Variants in DIS3L2 observed in about 807,000 individuals in gnomAD.
DIS3L2 encodes DIS3-like exonuclease 2.
A neutral mutation model predicts 97.5 loss-of-function variants in DIS3L2; 34 were observed. That is an observed-to-expected ratio of 0.35 (90% confidence interval 0.27 to 0.46). The LOEUF is 0.46. DIS3L2 is among the 20% of genes least tolerant of loss of function. The pLI is 1.00. For missense variants in DIS3L2, 1,038 were observed against 1,146.0 expected (o/e 0.91, Z 1.36); for synonymous variants, 435 against 445.2 (o/e 0.98, Z 0.29).
chr2:232,168,452 T>C (rs1384935498), intron 9 of DIS3L2, among the ~76,000 whole-genome samples: 2 of 152,166 alleles, frequency 1.3e-5, no homozygotes, highest in Non-Finnish European at 2.9e-5. Context: ...GTATTAGTGG[T>C]TTAGTATTAT....
intron 9 of DIS3L2, among the ~76,000 whole-genome samples, chr2:232,187,398 C>T (rs529804236): frequency 1.6e-4 from 25 of 152,232 alleles, no homozygotes; most frequent in African/African-American, 5.5e-4. Flanking sequence ...AGCAATTTTA[C>T]TCCTGGAGAA....
At chr2:232,203,281 A>G (rs1691946039) in intron 9 of DIS3L2, among the ~76,000 whole-genome samples, 1 of 152,146 alleles carries the variant, frequency 6.6e-6, no homozygotes, top group African/African-American at 2.4e-5. Context: ...TAGCACGGAG[A>G]CAGACCCAGA....
chr2:232,001,155 A>G (rs1380289748), intron 1 of DIS3L2, among the ~76,000 whole-genome samples: 1 of 152,152 alleles, frequency 6.6e-6, no homozygotes, highest in Non-Finnish European at 1.5e-5. Flanking sequence ...TGGCTATAGT[A>G]ATTTACATTT....
intron 1 of DIS3L2, among the ~76,000 whole-genome samples, chr2:231,979,516 C>T (rs538440232): frequency 2.0e-5 from 3 of 152,230 alleles, no homozygotes; most frequent in South Asian, 4.1e-4. Flanking sequence ...CTTGGCCTCC[C>T]AAGGCCACTG....
rs758984587 is a variant in DIS3L2, at chr2:232,334,750, A to G, written c.2394+15A>G. Reference sequence around the variant, plus strand: ...TCTACTGCAACGTGAGTGCCCTGGGAGAGCCCGGGGGCGGGCAGGGCAGCC... The same window carrying G: ...TCTACTGCAACGTGAGTGCCCTGGGGGAGCCCGGGGGCGGGCAGGGCAGCC... On this transcript the variant is annotated intron_variant, in intron 19 of 20. Coordinates refer to ENST00000325385, the MANE Select transcript of DIS3L2 (RefSeq NM_152383.5). 6.3e-7 allele frequency: 1 copy of G among 1,590,782 alleles called. No homozygotes were observed. Among genetic ancestry groups the G allele is most frequent in the East Asian group, 2.3e-5 (1 of 43,142 alleles).
intron 1 of DIS3L2, among the ~76,000 whole-genome samples, chr2:231,992,694 G>A (rs1448003175): frequency 6.6e-6 from 1 of 151,880 alleles, no homozygotes; most frequent in Non-Finnish European, 1.5e-5. Flanking sequence ...AACACTTAAT[G>A]CCTTATTTCA....
At chr2:232,000,502 C>A (rs1309254589) in intron 1 of DIS3L2, among the ~76,000 whole-genome samples, 2 of 152,040 alleles carry the variant, frequency 1.3e-5, no homozygotes, top group Non-Finnish European at 2.9e-5. Flanking sequence ...TAAATGAGAT[C>A]ATGTGGTATT....
intron 1 of DIS3L2, among the ~76,000 whole-genome samples, chr2:231,975,007 G>A (rs542171040): frequency 9.2e-5 from 14 of 152,160 alleles, no homozygotes; most frequent in East Asian, 5.8e-4. Flanking sequence ...TAGTTTTATC[G>A]TTTGTCTCAC....
chr2:232,074,956 A>G (rs1448881569), intron 5 of DIS3L2, among the ~76,000 whole-genome samples: 1 of 152,198 alleles, frequency 6.6e-6, no homozygotes, highest in Non-Finnish European at 1.5e-5. Context: ...TTAGGCAGAG[A>G]GAGAGAAGTT....
intron 10 of DIS3L2, among the ~76,000 whole-genome samples, chr2:232,236,739 T>C (rs71421626): frequency 2.6e-5 from 4 of 152,136 alleles, no homozygotes; most frequent in Admixed American, 2.6e-4. Flanking sequence ...TTAAACTGTA[T>C]ACTTATTTTA....
intron 14 of DIS3L2, among the ~76,000 whole-genome samples, chr2:232,309,682 A>G (rs990693435): frequency 6.6e-6 from 1 of 152,032 alleles, no homozygotes; most frequent in Non-Finnish European, 1.5e-5. Flanking sequence ...AAAGTCCTCA[A>G]GCCAAAGCCA....
chr2:232,161,020 C>T (rs1231292248), intron 8 of DIS3L2, among the ~76,000 whole-genome samples: 2 of 152,010 alleles, frequency 1.3e-5, no homozygotes, highest in Non-Finnish European at 2.9e-5. Context: ...CGGGTTCAAG[C>T]GTTTCTCCTG....
intron 14 of DIS3L2, among the ~76,000 whole-genome samples, chr2:232,316,866 G>A (rs370114355): frequency 6.6e-6 from 1 of 151,928 alleles, no homozygotes; most frequent in Non-Finnish European, 1.5e-5. Flanking sequence ...TTAGCTGGTC[G>A]CTATCTTTTG....
At chr2:232,096,548 A>T (rs923995727) in intron 6 of DIS3L2, among the ~76,000 whole-genome samples, 1 of 152,116 alleles carries the variant, frequency 6.6e-6, no homozygotes, top group Admixed American at 6.5e-5. Context: ...TAAAGCCAAT[A>T]ACTCGTAGGT....
At chr2:232,025,289 C>T (rs528951824) in intron 4 of DIS3L2, among the ~76,000 whole-genome samples, 1 of 152,090 alleles carries the variant, frequency 6.6e-6, no homozygotes, top group South Asian at 2.1e-4. Flanking sequence ...ATCCAAAATG[C>T]TCCAGTGAGC....
intron 5 of DIS3L2, among the ~76,000 whole-genome samples, chr2:232,035,144 T>C (rs1694916235): frequency 6.6e-6 from 1 of 152,246 alleles, no homozygotes; most frequent in Admixed American, 6.5e-5. Flanking sequence ...AGTCTCTTTA[T>C]AGGTCTCTAA....
In DIS3L2 at chr2:232,246,614, C is replaced by T. The variant is rs745891840; in HGVS notation, c.1318-2625C>T. ...CCAAATTGTACAAGAAGCGGTGGGC[C>T]CAGGATTAGCCCCCAAGTCTCTCAG... is the stretch of plus-strand genomic sequence containing the variant. On this transcript the variant is annotated intron_variant, in intron 11 of 20. Transcript: ENST00000325385. Among the ~76,000 whole-genome samples, 51 of 152,270 alleles carry T rather than the reference C, an allele frequency of 3.3e-4. 1 individual carries two copies. Among genetic ancestry groups the T allele is most frequent in the South Asian group, 8.3e-4 (4 of 4,824 alleles).
intron 5 of DIS3L2, among the ~76,000 whole-genome samples, chr2:232,052,448 A>G (rs889086043): frequency 2.6e-5 from 4 of 152,190 alleles, no homozygotes; most frequent in Admixed American, 6.5e-5. Flanking sequence ...CTCAGTTAGT[A>G]CCAGCTCAGA....
intron 9 of DIS3L2, among the ~76,000 whole-genome samples, chr2:232,168,468 A>G (rs1039927281): frequency 2.6e-5 from 4 of 151,042 alleles, no homozygotes; most frequent in African/African-American, 7.3e-5. Flanking sequence ...ATTATCTTCA[A>G]TATATGGACT....
Sources: gnomAD v4.1 joint callset for allele counts (sites outside exome capture counted in the v4.1 genomes callset) on GRCh38, gnomAD v4.1.1 for gene constraint, MANE v1.5 for transcripts, NCBI Gene and HGNC (gene_info 2026-07-23, HGNC 2026-07-21) for gene names.